The following GAB2 variants were observed in gnomAD, a reference collection of about 807,000 sequenced individuals.
GAB2 encodes the protein GRB2-associated-binding protein 2.
GAB2 carries 26 observed loss-of-function variants against 65.5 expected under a neutral mutation model. The observed-to-expected ratio is 0.40, with a 90% CI of 0.29 to 0.55. GAB2 has a LOEUF of 0.55. Ranked by LOEUF, GAB2 falls within the 20% of genes least tolerant of loss-of-function variation. The pLI is 0.53. For synonymous variants in GAB2, 321 were observed against 329.6 expected (o/e 0.97, Z 0.28); for missense variants, 884 against 875.8 (o/e 1.01, Z -0.12).
At chr11:78,386,844 A>G (rs956992073) in intron 1 of GAB2, among the ~76,000 whole-genome samples, 11 of 152,358 alleles carry the variant, frequency 7.2e-5, no homozygotes, top group Admixed American at 2.0e-4. Flanking sequence ...CCTACTGGCC[A>G]AAGTGACTAT....
chr11:78,282,272 C>T (rs1417626174), intron 1 of GAB2, among the ~76,000 whole-genome samples: 2 of 151,976 alleles, frequency 1.3e-5, no homozygotes, highest in Admixed American at 1.3e-4. Flanking sequence ...CAGAAATCTG[C>T]GTTCAGTCTA....
At chr11:78,387,513 T>A (rs75962879) in intron 1 of GAB2, among the ~76,000 whole-genome samples, 1 of 152,194 alleles carries the variant, frequency 6.6e-6, no homozygotes, top group Non-Finnish European at 1.5e-5. Flanking sequence ...TCTCAGTGGG[T>A]TGAGAAACAA....
intron 1 of GAB2, among the ~76,000 whole-genome samples, chr11:78,392,571 T>C (rs1856847550): frequency 6.6e-6 from 1 of 152,156 alleles, no homozygotes; most frequent in Non-Finnish European, 1.5e-5. Context: ...CTTTGTGGAA[T>C]GATCGATAGA....
intron 4 of GAB2, 134 bp downstream of exon 4, chr11:78,226,331 A>G: frequency 1.4e-6 from 1 of 711,366 alleles, no homozygotes; most frequent in East Asian, 2.6e-5. Context: ...GAAGACACCT[A>G]TGTTTTTGAG....
intron 1 of GAB2, among the ~76,000 whole-genome samples, chr11:78,321,264 T>C (rs553513072): frequency 6.6e-6 from 1 of 152,322 alleles, no homozygotes; most frequent in Non-Finnish European, 1.5e-5. Flanking sequence ...GGAACAGATG[T>C]TTCCGACATC....
chr11:78,241,583 A>G (rs1865136085), intron 3 of GAB2, among the ~76,000 whole-genome samples: 1 of 151,710 alleles, frequency 6.6e-6, no homozygotes, highest in Non-Finnish European at 1.5e-5. Context: ...AATTCACAAT[A>G]TGAACAAAAA....
At chr11:78,303,927 C>G (rs1049969772) in intron 1 of GAB2, among the ~76,000 whole-genome samples, 1 of 152,114 alleles carries the variant, frequency 6.6e-6, no homozygotes, top group East Asian at 1.9e-4. Flanking sequence ...CTTGAAAGAA[C>G]TGATCTCAGT....
At chr11:78,326,513 A>G (rs1047713147) in intron 1 of GAB2, among the ~76,000 whole-genome samples, 10 of 152,176 alleles carry the variant, frequency 6.6e-5, no homozygotes, top group African/African-American at 2.4e-4. Flanking sequence ...AATAACTGAA[A>G]CTTTGGTCAT....
chr11:78,320,849 G>A (rs1356829168), intron 1 of GAB2, among the ~76,000 whole-genome samples: 2 of 151,424 alleles, frequency 1.3e-5, no homozygotes, highest in Admixed American at 1.3e-4. Flanking sequence ...GGGGTTACAG[G>A]CATGAGCCAC....
At chr11:78,312,945 C>G (rs1855531348) in intron 1 of GAB2, among the ~76,000 whole-genome samples, 1 of 151,842 alleles carries the variant, frequency 6.6e-6, no homozygotes, top group African/African-American at 2.4e-5. Context: ...GAAACGGGAA[C>G]TAAAAAATAT....
chr11:78,321,128 G>A (rs576578818), intron 1 of GAB2, among the ~76,000 whole-genome samples: 3 of 152,138 alleles, frequency 2.0e-5, no homozygotes, highest in Non-Finnish European at 4.4e-5. Context: ...GGTTGGAGAT[G>A]TACATTTGGA....
chr11:78,249,584 A>G (rs1279112815), intron 3 of GAB2, among the ~76,000 whole-genome samples: 2 of 152,358 alleles, frequency 1.3e-5, no homozygotes, highest in African/African-American at 4.8e-5. Context: ...GAACTTCGTT[A>G]TGATGGAAAT....
chr11:78,405,572 A>G (rs555167807), intron 1 of GAB2, among the ~76,000 whole-genome samples: 177 of 152,298 alleles, frequency 1.2e-3, no homozygotes, highest in African/African-American at 4.0e-3. Flanking sequence ...CTTTTGTATA[A>G]GCAACATTCA....
chr11:78,378,275 A>G (rs1856656054), intron 1 of GAB2, among the ~76,000 whole-genome samples: 1 of 152,206 alleles, frequency 6.6e-6, no homozygotes, highest in Non-Finnish European at 1.5e-5. Flanking sequence ...ACAGACAAGC[A>G]GTATGAGATA....
chr11:78,241,129 T>C (rs2134504865), intron 3 of GAB2, among the ~76,000 whole-genome samples: 1 of 152,298 alleles, frequency 6.6e-6, no homozygotes, highest in African/African-American at 2.4e-5. Context: ...ATTAACAACC[T>C]ATGCTACCAC....
intron 1 of GAB2, among the ~76,000 whole-genome samples, chr11:78,301,336 T>C (rs1435740815): frequency 6.6e-6 from 1 of 150,558 alleles, no homozygotes; most frequent in Non-Finnish European, 1.5e-5. Flanking sequence ...TGTGGTTTTT[T>C]GTTTTTTTTT....
intron 1 of GAB2, among the ~76,000 whole-genome samples, chr11:78,342,478 G>A (rs1334614161): frequency 3.5e-5 from 5 of 141,370 alleles, no homozygotes; most frequent in African/African-American, 1.3e-4. Context: ...GGCACATCTC[G>A]GCTCACTACA....
intron 1 of GAB2, among the ~76,000 whole-genome samples, chr11:78,389,094 G>T (rs1856802550): frequency 6.6e-6 from 1 of 152,140 alleles, no homozygotes; most frequent in African/African-American, 2.4e-5. Context: ...TGCTCCCAGG[G>T]TCCTCCTAAG....
At chr11:78,322,382 A>T (rs1426051868) in intron 1 of GAB2, among the ~76,000 whole-genome samples, 4 of 151,204 alleles carry the variant, frequency 2.6e-5, no homozygotes, top group Non-Finnish European at 5.9e-5. Context: ...ATACCCTTCT[A>T]GACATCAGCC....
Sources: gnomAD v4.1 joint callset for allele counts (sites outside exome capture counted in the v4.1 genomes callset) on GRCh38, gnomAD v4.1.1 for gene constraint, MANE v1.5 for transcripts, NCBI Gene and HGNC (gene_info 2026-07-23, HGNC 2026-07-21) for gene names.